Variants in PAQR7 observed in about 807,000 individuals in gnomAD.
PAQR7 encodes progestin and adipoQ receptor family member 7.
In PAQR7, 14 loss-of-function variants were observed where a neutral mutation model predicts 24.6. That is an observed-to-expected ratio of 0.57 (90% CI 0.38 to 0.89). The LOEUF is 0.89. Ranked by LOEUF, PAQR7 falls within the 40% of genes least tolerant of loss-of-function variation. The probability of loss-of-function intolerance (pLI) is 0.00; values close to 1 mark genes in which losing one functional copy is unlikely to be tolerated. For missense variants in PAQR7, 351 were observed against 444.0 expected (o/e 0.79, Z 1.88); for synonymous variants, 189 against 198.8 (o/e 0.95, Z 0.42).
At chr1:25,864,307 G>C (rs2048539123) in intron 2 of PAQR7, among the ~76,000 whole-genome samples, 1 of 152,008 alleles carries the variant, frequency 6.6e-6, no homozygotes, top group Non-Finnish European at 1.5e-5. Context: ...CTTGCTAATA[G>C]ACCCACTGCC....
rs756434408 is a variant in PAQR7 at position 25,875,080 on chromosome 1, G to A, written c.-109+408C>T. 6.6e-6 allele frequency among the ~76,000 whole-genome samples: 1 copy of A among 152,056 alleles called. No individual in the cohort carries two copies. The highest frequency in any genetic ancestry group is 2.1e-4 in the South Asian group (1 of 4,828). On this transcript the variant is annotated intron_variant, in intron 1 of 2. Transcript: ENST00000675840. The surrounding 1 kb of genome is among the most constrained non-coding windows in gnomAD (Gnocchi z 5.4). ...CTCCAGGAAGGCAGCGGCCTTGCCC[G>A]GGCCAGACGCCCCTACCCACTCCCT...
At position 25,863,007 on chromosome 1, in the gene PAQR7, A is replaced by G; in HGVS notation, c.833T>C (p.Phe278Ser). The G allele has an allele frequency of 6.2e-7, 1 of 1,614,174 alleles. No homozygotes were observed. Among genetic ancestry groups the G allele is most frequent in the Non-Finnish European group, 8.5e-7 (1 of 1,180,040 alleles). The change falls in exon 3 of 3, where the codon TTC becomes TCC. Residue 278 changes from phenylalanine to serine, a missense_variant. Physicochemically the swap from Phe to Ser is radical, Grantham distance 155. Transcript: ENST00000675840. This position sits in a 1 kb window ranked among gnomAD's most constrained non-coding sequence, Gnocchi z 6.1. ...CGTGCACAGCACCAAGAAGATGTGG[A>G]AAAGTTGGTGGCCCTGCCCGAAGAC... ...CHVFGQGHQL[F>S]HIFLVLCTLA...
chr1:25,867,218 T>C (rs796865101), intron 2 of PAQR7, among the ~76,000 whole-genome samples: 3 of 150,904 alleles, frequency 2.0e-5, no homozygotes, highest in African/African-American at 7.3e-5. Context: ...TACTTTATTA[T>C]AGAGTCAGGG....
In PAQR7 at chr1:25,863,767, G is replaced by A; in HGVS notation, c.73C>T (p.Leu25=). Residue 25 remains leucine (L), a synonymous_variant, in exon 3 of 3, where the codon CTG becomes TTG. Coordinates refer to ENST00000675840, the MANE Select transcript of PAQR7 (RefSeq NM_178422.6). This position sits in a 1 kb window ranked among gnomAD's most constrained non-coding sequence, Gnocchi z 6.1. ...ACCGTGAAGACAGGCTCTGGCTGCA[G>A]AGATAGCTGAGGCTCCTGGATGACC... ...RQVIQEPQLS[L]QPEPVFTVDR... is the part of the protein sequence containing the mutation. The A allele has an allele frequency of 1.9e-6, 3 of 1,613,816 alleles. No individual in the cohort carries two copies. The highest frequency in any genetic ancestry group is 2.5e-6 in the Non-Finnish European group (3 of 1,180,020).
intron 1 of PAQR7, among the ~76,000 whole-genome samples, chr1:25,874,182 CTTTT>C (rs36099426): frequency 1.4e-5 from 2 of 139,968 alleles, no homozygotes; most frequent in African/African-American, 2.7e-5. Flanking sequence ...CATGCCCAGA[CTTTT>C]TTTTTTTTTT....
Position 25,863,486 on chromosome 1 carries a change from G to C in PAQR7, c.354C>G (p.Leu118=). The change falls in exon 3 of 3, where the codon CTC becomes CTG. Residue 118 remains leucine (L), a synonymous_variant. Coordinates refer to ENST00000675840, the MANE Select transcript of PAQR7 (RefSeq NM_178422.6). The surrounding 1 kb of genome is among the most constrained non-coding windows in gnomAD (Gnocchi z 6.1). The part of the protein sequence containing the change: ...FIIVLASFTY[L]SFSALAHLLQ... ...GGAGGTGAGCCAAGGCACTGAAGGA[G>C]AGGTAGGTGAAAGAGGCAAGGACAA... The C allele has an allele frequency of 1.2e-6, 2 of 1,614,246 alleles. No individual in the cohort carries two copies. Among genetic ancestry groups the C allele is most frequent in the Non-Finnish European group, 1.7e-6 (2 of 1,180,038 alleles).
chr1:25,870,748 C>T (rs189077322), intron 1 of PAQR7, 54 bp from the exon 2 acceptor site: 11 of 152,264 alleles, frequency 7.2e-5, no homozygotes, highest in African/African-American at 1.9e-4. Flanking sequence ...AAAAAGCAGA[C>T]GGTATAAAAG....
At position 25,875,206 on chromosome 1, in the gene PAQR7, T is replaced by C. The variant is rs2048640190; in HGVS notation, c.-109+282A>G. Among the ~76,000 whole-genome samples, 1 of 152,106 alleles carries C rather than the reference T, an allele frequency of 6.6e-6. No homozygotes were observed. The highest frequency in any genetic ancestry group is 6.5e-5 in the Admixed American group (1 of 15,270). Reference sequence around the variant, plus strand: ...TCCGCATCCTCCTCAGCCGTGCTCCTTCTGCTCCTCCCACCCTTCCCAAGA... The same window carrying C: ...TCCGCATCCTCCTCAGCCGTGCTCCCTCTGCTCCTCCCACCCTTCCCAAGA... On this transcript the variant is annotated intron_variant, in intron 1 of 2. Coordinates refer to ENST00000675840, the MANE Select transcript of PAQR7 (RefSeq NM_178422.6). The surrounding 1 kb of genome is among the most constrained non-coding windows in gnomAD (Gnocchi z 5.4).
At chr1:25,867,029 C>G (rs893019564) in intron 2 of PAQR7, among the ~76,000 whole-genome samples, 1 of 150,402 alleles carries the variant, frequency 6.6e-6, no homozygotes, top group Admixed American at 6.6e-5. Context: ...CGGCACCCAG[C>G]CTTGTTTTGT....
chr1:25,864,189 T>A (rs113451173), intron 2 of PAQR7, among the ~76,000 whole-genome samples: 2 of 152,152 alleles, frequency 1.3e-5, no homozygotes, highest in African/African-American at 4.8e-5. Flanking sequence ...CACCAGCTGT[T>A]TTCTCTCCTA....
At position 25,875,082 on chromosome 1, in the gene PAQR7, G is replaced by A. The variant is rs1276923599; in HGVS notation, c.-109+406C>T. ...CCAGGAAGGCAGCGGCCTTGCCCGGGCCAGACGCCCCTACCCACTCCCTGC... is the reference window on the plus strand; with the variant it reads ...CCAGGAAGGCAGCGGCCTTGCCCGGACCAGACGCCCCTACCCACTCCCTGC... On this transcript the variant is annotated intron_variant, in intron 1 of 2. Transcript: ENST00000675840. This position sits in a 1 kb window ranked among gnomAD's most constrained non-coding sequence, Gnocchi z 5.4. 6.6e-6 allele frequency among the ~76,000 whole-genome samples: 1 copy of A among 152,120 alleles called. No homozygotes were observed. The highest frequency in any genetic ancestry group is 2.4e-5 in the African/African-American group (1 of 41,426).
At position 25,863,648 on chromosome 1, in the gene PAQR7, C is replaced by T. The variant is rs374295612; in HGVS notation, c.192G>A (p.Thr64=). The T allele has an allele frequency of 4.3e-6, 7 of 1,613,948 alleles. No homozygotes were observed. In the African/African-American group the frequency reaches 5.3e-5, roughly 12 times the overall value. The change falls in exon 3 of 3, where the codon ACG becomes ACA. Residue 64 remains threonine, a synonymous_variant. Coordinates refer to ENST00000675840, the MANE Select transcript of PAQR7 (RefSeq NM_178422.6). The surrounding 1 kb of genome is among the most constrained non-coding windows in gnomAD (Gnocchi z 6.1). Reference sequence around the variant, plus strand: ...CGGCCTCGTTGTGCTGCTGGAACAGCGTGCGGAAATAGAAGCGCCAGGTCT... The same window carrying T: ...CGGCCTCGTTGTGCTGCTGGAACAGTGTGCGGAAATAGAAGCGCCAGGTCT... ...LHQTWRFYFR[T]LFQQHNEAVN...
At chr1:25,874,714 C>T (rs187409129) in intron 1 of PAQR7, among the ~76,000 whole-genome samples, 2 of 152,222 alleles carry the variant, frequency 1.3e-5, no homozygotes, top group African/African-American at 4.8e-5. Flanking sequence ...CCTAGCCCCA[C>T]AGGCCTCCTC....
Position 25,867,316 on chromosome 1 carries a change from T to C in PAQR7, c.-23+3293A>G, listed in dbSNP as rs531105054. On this transcript the variant is annotated intron_variant, in intron 2 of 2. Coordinates refer to ENST00000675840, the MANE Select transcript of PAQR7 (RefSeq NM_178422.6). ...TCCCAAAGTGCTGGGATTACAAATG[T>C]GAGCCACTGTGCTCTTAACCACTAC... 4.6e-5 allele frequency among the ~76,000 whole-genome samples: 7 copies of C among 152,326 alleles called. No homozygotes were observed. In the East Asian group the frequency reaches 1.3e-3, roughly 29 times the overall value.
At chr1:25,868,239 C>A (rs1164819521) in intron 2 of PAQR7, among the ~76,000 whole-genome samples, 1 of 152,216 alleles carries the variant, frequency 6.6e-6, no homozygotes, top group Non-Finnish European at 1.5e-5. Context: ...AGGCCTTCCC[C>A]AGAGTCCTCC....
intron 2 of PAQR7, among the ~76,000 whole-genome samples, chr1:25,868,724 AAAAAAAG>A (rs1299055845): frequency 6.6e-6 from 1 of 151,408 alleles, no homozygotes; most frequent in African/African-American, 2.4e-5. Flanking sequence ...AAAAAAAAAA[AAAAAAAG>A]CTCTAAGAAG....
At chr1:25,866,417 C>CAA (rs2048557471) in intron 2 of PAQR7, among the ~76,000 whole-genome samples, 2 of 152,184 alleles carry the variant, frequency 1.3e-5, no homozygotes, top group Admixed American at 6.5e-5. Context: ...ATTTAACAAA[C>CAA]ACTTACTGAG....
chr1:25,866,419 CTT>C (rs2048557534), intron 2 of PAQR7, among the ~76,000 whole-genome samples: 2 of 152,212 alleles, frequency 1.3e-5, no homozygotes, highest in Admixed American at 6.5e-5. Flanking sequence ...TTAACAAACA[CTT>C]ACTGAGCCCT....
chr1:25,868,436 C>T lies in PAQR7; in HGVS notation c.-23+2173G>A, dbSNP rs778787821. ...TAAAGACTCTCAGAAGGGCTGGACA[C>T]GATGGCTCATGCCTGTAATCCCAGC... On this transcript the variant is annotated intron_variant, in intron 2 of 2. Transcript: ENST00000675840. Among the ~76,000 whole-genome samples the T allele has an allele frequency of 2.0e-5, 3 of 152,174 alleles. No homozygotes were observed. The South Asian group carries it at 6.2e-4, about 32-fold the overall frequency.
Sources: allele counts gnomAD v4.1 joint callset (sites outside exome capture counted in the v4.1 genomes callset), GRCh38; gene constraint gnomAD v4.1.1; non-coding constraint Gnocchi (gnomAD v3.1); transcripts MANE v1.5; gene names NCBI Gene and HGNC (gene_info 2026-07-23, HGNC 2026-07-21).